The following DPYD variants were observed in gnomAD, a reference collection of about 807,000 sequenced individuals.
DPYD encodes dihydropyrimidine dehydrogenase [NADP(+)].
A neutral mutation model predicts 116.2 loss-of-function variants in DPYD; 109 were observed. The observed-to-expected ratio is 0.94, with a 90% CI of 0.80 to 1.10. The LOEUF (loss-of-function observed/expected upper bound fraction) is 1.10. Ranked by LOEUF, DPYD falls within the 50% of genes least tolerant of loss-of-function variation. The pLI is 0.00. For synonymous variants in DPYD, 440 were observed against 432.0 expected (o/e 1.02, Z -0.23); for missense variants, 1,302 against 1,254.5 (o/e 1.04, Z -0.57).
At chr1:97,221,397 A>C (rs1660759920) in intron 19 of DPYD, among the ~76,000 whole-genome samples, 9 of 152,176 alleles carry the variant, frequency 5.9e-5, no homozygotes, top group Admixed American at 5.9e-4. Context: ...AGGAAATTAC[A>C]AACTGTGAAT....
intron 16 of DPYD, among the ~76,000 whole-genome samples, chr1:97,364,361 T>C (rs1202742895): frequency 6.6e-6 from 1 of 152,090 alleles, no homozygotes; most frequent in African/African-American, 2.4e-5. Context: ...ATGAGGACTT[T>C]CAAAACTGAA....
chr1:97,489,300 C>T (rs1481778088), intron 13 of DPYD, among the ~76,000 whole-genome samples: 1 of 152,084 alleles, frequency 6.6e-6, no homozygotes, highest in East Asian at 1.9e-4. Flanking sequence ...GAAGTTAAGG[C>T]AAAAAGCTCA....
intron 7 of DPYD, among the ~76,000 whole-genome samples, chr1:97,680,938 G>T (rs1247616905): frequency 6.6e-6 from 1 of 152,058 alleles, no homozygotes; most frequent in Admixed American, 6.6e-5. Context: ...ATGCCTGGTA[G>T]GTTTCTTTGT....
chr1:97,401,804 T>A (rs1227838482), intron 14 of DPYD, among the ~76,000 whole-genome samples: 2 of 152,152 alleles, frequency 1.3e-5, no homozygotes, highest in African/African-American at 4.8e-5. Flanking sequence ...TAGAGTTAAT[T>A]TTGGTGAAGG....
chr1:97,808,504 T>A (rs1055783587), intron 3 of DPYD, among the ~76,000 whole-genome samples: 3 of 152,268 alleles, frequency 2.0e-5, no homozygotes, highest in African/African-American at 7.2e-5. Context: ...AATTGTTGAT[T>A]AGTTCTAGGA....
chr1:97,327,945 T>C (rs1188148916), intron 16 of DPYD, among the ~76,000 whole-genome samples: 6 of 152,138 alleles, frequency 3.9e-5, no homozygotes, highest in African/African-American at 1.4e-4. Flanking sequence ...TTAGAAGATA[T>C]AACTTCTTAG....
chr1:97,745,862 T>A (rs1034754719), intron 3 of DPYD, among the ~76,000 whole-genome samples: 32 of 152,042 alleles, frequency 2.1e-4, no homozygotes, highest in African/African-American at 7.7e-4. Flanking sequence ...TTTTAAAAGG[T>A]GGTGTTCTAG....
chr1:97,897,828 A>G (rs1325118628), intron 1 of DPYD, among the ~76,000 whole-genome samples: 1 of 151,776 alleles, frequency 6.6e-6, no homozygotes, highest in East Asian at 1.9e-4. Context: ...GATTTGTCTC[A>G]ATACATTAAT....
chr1:97,199,279 G>C lies in DPYD; in HGVS notation c.2443-6031C>G, dbSNP rs570791661. 2.9e-4 allele frequency among the ~76,000 whole-genome samples: 44 copies of C among 152,172 alleles called. No homozygotes were observed. The South Asian group carries it at 6.9e-3, about 24-fold the overall frequency. ...TGGACTTGAAGTCCTGTTTCTTAAA[G>C]TCAATCTTGTGGTTTCTATGCCATA... On this transcript the variant is annotated intron_variant, in intron 19 of 22. Transcript: ENST00000370192.
rs191488453 is a variant in DPYD, at chr1:97,685,728, T to G, written c.762+5989A>C. On this transcript the variant is annotated intron_variant, in intron 7 of 22. Coordinates refer to ENST00000370192, the MANE Select transcript of DPYD (RefSeq NM_000110.4). ...AACCAAATCATGAATGAACTCCCAT[T>G]CACAACTGCTACAAAGAGAATAAAA... is the stretch of plus-strand genomic sequence containing the variant. Among the ~76,000 whole-genome samples the G allele has an allele frequency of 2.0e-5, 3 of 152,156 alleles. No individual in the cohort carries two copies. In the East Asian group the frequency reaches 5.8e-4, roughly 29 times the overall value.
At chr1:97,101,110 T>C (rs369152502) in intron 20 of DPYD, among the ~76,000 whole-genome samples, 1 of 147,580 alleles carries the variant, frequency 6.8e-6, no homozygotes, top group Non-Finnish European at 1.5e-5. Flanking sequence ...AAAAAAAAAA[T>C]ACCAAATATC....
chr1:97,527,794 GA>G (rs35111926), intron 12 of DPYD, among the ~76,000 whole-genome samples: 13,785 of 112,692 alleles, frequency 0.12, 685 homozygotes, highest in African/African-American at 0.15. Flanking sequence ...ATGAAATTTG[GA>G]AAAAAAAAAA....
intron 3 of DPYD, among the ~76,000 whole-genome samples, chr1:97,757,659 T>C (rs895327622): frequency 1.9e-4 from 29 of 152,202 alleles, no homozygotes; most frequent in Admixed American, 8.5e-4. Context: ...TAGGAATATT[T>C]TTGCCTTGTT....
At chr1:97,167,068 G>A (rs567119240) in intron 20 of DPYD, among the ~76,000 whole-genome samples, 1 of 152,054 alleles carries the variant, frequency 6.6e-6, no homozygotes, top group Admixed American at 6.6e-5. Flanking sequence ...AAAAATATGA[G>A]ATTCTGCTTT....
At chr1:97,728,257 C>T (rs894652631) in intron 4 of DPYD, among the ~76,000 whole-genome samples, 7 of 152,110 alleles carry the variant, frequency 4.6e-5, no homozygotes, top group Non-Finnish European at 7.4e-5. Flanking sequence ...AATTTACCCA[C>T]AATTTGCAGG....
At chr1:97,207,809 C>T (rs908941712) in intron 19 of DPYD, among the ~76,000 whole-genome samples, 7 of 152,196 alleles carry the variant, frequency 4.6e-5, no homozygotes, top group Non-Finnish European at 1.0e-4. Flanking sequence ...TTCTGCATCA[C>T]GCACCAATAG....
intron 4 of DPYD, among the ~76,000 whole-genome samples, chr1:97,735,174 C>T (rs943344235): frequency 6.6e-6 from 1 of 152,056 alleles, no homozygotes; most frequent in African/African-American, 2.4e-5. Flanking sequence ...AAGAAACATG[C>T]ATGCTTCACA....
intron 3 of DPYD, chr1:97,774,736 G>T: frequency 5.3e-6 from 1 of 187,232 alleles, no homozygotes. Context: ...GTATCTTCTG[G>T]AGAGCACACG....
intron 13 of DPYD, among the ~76,000 whole-genome samples, chr1:97,488,242 A>G (rs956202911): frequency 6.6e-6 from 1 of 152,180 alleles, no homozygotes. Context: ...TTTTAGAGAT[A>G]GAGGACAGAT....
Sources: gnomAD v4.1 joint callset for allele counts (sites outside exome capture counted in the v4.1 genomes callset) on GRCh38, gnomAD v4.1.1 for gene constraint, MANE v1.5 for transcripts, NCBI Gene and HGNC (gene_info 2026-07-23, HGNC 2026-07-21) for gene names.